Variants in LHFPL3 observed in about 807,000 individuals in gnomAD.
LHFPL3 encodes the protein LHFPL tetraspan subfamily member 3.
A neutral mutation model predicts 19.3 loss-of-function variants in LHFPL3; 5 were observed. The ratio of observed to expected loss-of-function variants is 0.26; its 90% confidence interval spans 0.14 to 0.54. The LOEUF (loss-of-function observed/expected upper bound fraction) is 0.54. LHFPL3 is among the 20% of genes least tolerant of loss of function. LHFPL3 has a pLI of 0.94. For missense variants in LHFPL3, 249 were observed against 307.4 expected (o/e 0.81, Z 1.42); for synonymous variants, 133 against 126.2 (o/e 1.05, Z -0.36).
At chr7:104,841,811 C>T (rs1387383834) in intron 2 of LHFPL3, among the ~76,000 whole-genome samples, 3 of 152,128 alleles carry the variant, frequency 2.0e-5, no homozygotes, top group Non-Finnish European at 4.4e-5. Context: ...GCATGTTATA[C>T]TCCCTCAAAA....
chr7:104,832,905 A>T (rs1790983380), intron 2 of LHFPL3, among the ~76,000 whole-genome samples: 2 of 134,060 alleles, frequency 1.5e-5, no homozygotes, highest in African/African-American at 5.7e-5. Flanking sequence ...TGAACCTGGG[A>T]GGCAGAGGTT....
Position 104,357,493 on chromosome 7 carries a change from G to A in LHFPL3, c.445+28269G>A, listed in dbSNP as rs149266535. ...TACAACTCCGTAAGCACTAACTTTCGGGTAGCCAACTTCAGCAGACTAGAA... is the reference window on the plus strand; with the variant it reads ...TACAACTCCGTAAGCACTAACTTTCAGGTAGCCAACTTCAGCAGACTAGAA... On this transcript the variant is annotated intron_variant, in intron 1 of 2. Transcript: ENST00000424859. Among the ~76,000 whole-genome samples the A allele has an allele frequency of 2.2e-3, 332 of 152,240 alleles. 2 individuals carry two copies. The highest frequency in any genetic ancestry group is 7.7e-3 in the African/African-American group (319 of 41,514).
At chr7:104,360,885 G>A (rs1246526887) in intron 1 of LHFPL3, among the ~76,000 whole-genome samples, 2 of 152,150 alleles carry the variant, frequency 1.3e-5, no homozygotes, top group African/African-American at 4.8e-5. Context: ...ATGGGCAAAC[G>A]ATAGCCCATG....
At chr7:104,373,625 A>G (rs867937740) in intron 1 of LHFPL3, among the ~76,000 whole-genome samples, 1 of 151,850 alleles carries the variant, frequency 6.6e-6, no homozygotes, top group Non-Finnish European at 1.5e-5. Context: ...CCGTGAGACA[A>G]CAGTCAAATA....
chr7:104,707,207 G>A (rs1793207182), intron 1 of LHFPL3, among the ~76,000 whole-genome samples: 1 of 152,166 alleles, frequency 6.6e-6, no homozygotes, highest in Admixed American at 6.5e-5. Flanking sequence ...TCACTCCAGA[G>A]CTCACCAATT....
At chr7:104,446,554 G>C (rs987563696) in intron 1 of LHFPL3, among the ~76,000 whole-genome samples, 1 of 151,928 alleles carries the variant, frequency 6.6e-6, no homozygotes, top group Non-Finnish European at 1.5e-5. Flanking sequence ...CTAGTTTTTT[G>C]TTTTTATTTT....
At chr7:104,549,092 C>G (rs893332338) in intron 1 of LHFPL3, among the ~76,000 whole-genome samples, 1 of 152,002 alleles carries the variant, frequency 6.6e-6, no homozygotes, top group African/African-American at 2.4e-5. Context: ...AAAACTTGAA[C>G]AGGAAGTAAT....
chr7:104,636,682 C>G (rs1791733638), intron 1 of LHFPL3, among the ~76,000 whole-genome samples: 1 of 152,112 alleles, frequency 6.6e-6, no homozygotes, highest in Non-Finnish European at 1.5e-5. Context: ...GCCTCCAGCT[C>G]CCTCTTCATC....
chr7:104,700,441 C>T (rs994253319), intron 1 of LHFPL3, among the ~76,000 whole-genome samples: 1 of 152,204 alleles, frequency 6.6e-6, no homozygotes, highest in African/African-American at 2.4e-5. Context: ...CTCCTGATCC[C>T]ACCAGCATGA....
intron 1 of LHFPL3, among the ~76,000 whole-genome samples, chr7:104,546,199 G>C (rs1274161396): frequency 6.6e-6 from 1 of 152,090 alleles, no homozygotes; most frequent in African/African-American, 2.4e-5. Flanking sequence ...GATGTATGCT[G>C]TTTGCATCCT....
At chr7:104,535,388 C>T (rs1235404271) in intron 1 of LHFPL3, among the ~76,000 whole-genome samples, 1 of 152,156 alleles carries the variant, frequency 6.6e-6, no homozygotes, top group East Asian at 1.9e-4. Context: ...AATGCAATTT[C>T]CAAGGCATTC....
At chr7:104,371,652 T>C (rs1201778346) in intron 1 of LHFPL3, among the ~76,000 whole-genome samples, 1 of 152,202 alleles carries the variant, frequency 6.6e-6, no homozygotes, top group Admixed American at 6.5e-5. Context: ...ATTTTCTTTT[T>C]TTTTTTATAT....
intron 1 of LHFPL3, among the ~76,000 whole-genome samples, chr7:104,392,637 C>T (rs1220763124): frequency 6.6e-6 from 1 of 152,142 alleles, no homozygotes; most frequent in Non-Finnish European, 1.5e-5. Context: ...GGATATTGGT[C>T]TAAAATTCTC....
chr7:104,677,678 G>A (rs1792618381), intron 1 of LHFPL3, among the ~76,000 whole-genome samples: 1 of 152,184 alleles, frequency 6.6e-6, no homozygotes, highest in South Asian at 2.1e-4. Context: ...TGCAATGATG[G>A]AAGTGTTCCG....
intron 1 of LHFPL3, among the ~76,000 whole-genome samples, chr7:104,675,781 G>C (rs950542431): frequency 6.6e-6 from 1 of 152,170 alleles, no homozygotes; most frequent in Non-Finnish European, 1.5e-5. Flanking sequence ...AAGCTAGAAA[G>C]ACGGATCAAT....
intron 1 of LHFPL3, among the ~76,000 whole-genome samples, chr7:104,560,115 C>T (rs1252550723): frequency 6.9e-6 from 1 of 144,662 alleles, no homozygotes; most frequent in Non-Finnish European, 1.5e-5. Flanking sequence ...CATCAATGTT[C>T]ATCAAGGATA....
intron 1 of LHFPL3, among the ~76,000 whole-genome samples, chr7:104,443,886 C>T (rs1412577157): frequency 1.3e-5 from 2 of 152,168 alleles, no homozygotes; most frequent in Admixed American, 6.5e-5. Flanking sequence ...GAGAGCACAA[C>T]AGAAATTATA....
At chr7:104,668,363 A>G (rs1178820257) in intron 1 of LHFPL3, 1 of 1,594,386 alleles carries the variant, frequency 6.3e-7, no homozygotes, top group East Asian at 2.2e-5. Context: ...GTCCTGCTAC[A>G]GACACCTTTG....
chr7:104,358,285 A>C (rs1380097979), intron 1 of LHFPL3, among the ~76,000 whole-genome samples: 1 of 152,216 alleles, frequency 6.6e-6, no homozygotes, highest in Non-Finnish European at 1.5e-5. Context: ...TGCACTTTAA[A>C]ATGGTTAAAA....
Sources: gnomAD v4.1 joint callset for allele counts (sites outside exome capture counted in the v4.1 genomes callset) on GRCh38, gnomAD v4.1.1 for gene constraint, MANE v1.5 for transcripts, NCBI Gene and HGNC (gene_info 2026-07-23, HGNC 2026-07-21) for gene names.